The following WFDC8 variants were observed in gnomAD, a reference collection of about 807,000 sequenced individuals.
WFDC8 encodes the protein WAP four-disulfide core domain protein 8.
A neutral mutation model predicts 27.0 loss-of-function variants in WFDC8; 24 were observed. That is an observed-to-expected ratio of 0.89 (90% confidence interval 0.64 to 1.25). The LOEUF (loss-of-function observed/expected upper bound fraction) is 1.25. Among genes scored for constraint, WFDC8 ranks in the 50% most tolerant of loss-of-function variants. The pLI is 0.00. For synonymous variants in WFDC8, 106 were observed against 99.7 expected, an observed-to-expected ratio of 1.06 and a Z score of -0.38; for missense variants, 287 against 295.9, an observed-to-expected ratio of 0.97 and a Z score of 0.22.
At chr20:45,570,079 A>T (rs564946305) in intron 1 of WFDC8, among the ~76,000 whole-genome samples, 34 of 152,208 alleles carry the variant, frequency 2.2e-4, no homozygotes, top group African/African-American at 7.9e-4. Flanking sequence ...AAAATAACTA[A>T]TGAGTACTAG....
chr20:45,553,354 C>T (rs1029716144), intron 4 of WFDC8, 78 bp from the exon 5 acceptor site: 1 of 1,521,592 alleles, frequency 6.6e-7, no homozygotes, highest in Non-Finnish European at 8.8e-7. Flanking sequence ...TCCTTCTCTT[C>T]AAAGCTAGTA....
intron 1 of WFDC8, among the ~76,000 whole-genome samples, chr20:45,575,505 A>G (rs1398927923): frequency 7.0e-6 from 1 of 142,118 alleles, no homozygotes; most frequent in Admixed American, 6.9e-5. Flanking sequence ...AGTGAAAGAA[A>G]TTGGAGAAGA....
chr20:45,553,092 G>T, intron 5 of WFDC8, 44 bp downstream of exon 5: 1 of 1,580,764 alleles, frequency 6.3e-7, no homozygotes, highest in Non-Finnish European at 8.6e-7. Context: ...TGACATCCTT[G>T]GCACATGCCC....
chr20:45,573,562 T>C (rs1980943640), intron 1 of WFDC8, among the ~76,000 whole-genome samples: 2 of 152,220 alleles, frequency 1.3e-5, no homozygotes, highest in Non-Finnish European at 2.9e-5. Flanking sequence ...TATTTGGTTT[T>C]CCATTCCTGA....
At chr20:45,553,063 C>G (rs2089877884) in intron 5 of WFDC8, 73 bp downstream of exon 5, 1 of 1,535,232 alleles carries the variant, frequency 6.5e-7, no homozygotes, top group Non-Finnish European at 8.8e-7. Flanking sequence ...AAGACACCCC[C>G]CACTCCATGG....
At chr20:45,573,519 AG>A (rs1980942302) in intron 1 of WFDC8, among the ~76,000 whole-genome samples, 1 of 152,184 alleles carries the variant, frequency 6.6e-6, no homozygotes, top group Non-Finnish European at 1.5e-5. Flanking sequence ...GCATACCCAT[AG>A]GTTAACTCAA....
intron 2 of WFDC8, chr20:45,559,630 A>ATT (rs1183112578): frequency 6.6e-6 from 1 of 152,238 alleles, no homozygotes; most frequent in Non-Finnish European, 1.5e-5. Flanking sequence ...TTACAGGCTG[A>ATT]TTATAAGAGT....
chr20:45,560,463 CT>C (rs1426408246), intron 2 of WFDC8, among the ~76,000 whole-genome samples: 1 of 152,208 alleles, frequency 6.6e-6, no homozygotes, highest in African/African-American at 2.4e-5. Context: ...CAAAGGATAG[CT>C]CATACAGCGC....
chr20:45,575,507 T>G (rs1170705005), intron 1 of WFDC8, among the ~76,000 whole-genome samples: 1 of 142,100 alleles, frequency 7.0e-6, no homozygotes, highest in Non-Finnish European at 1.6e-5. Flanking sequence ...TGAAAGAAAT[T>G]GGAGAAGACA....
chr20:45,570,598 A>G (rs969546778), intron 1 of WFDC8, among the ~76,000 whole-genome samples: 69 of 152,316 alleles, frequency 4.5e-4, no homozygotes, highest in African/African-American at 1.7e-3. Flanking sequence ...TGGGGCAATT[A>G]TGAATGAAGC....
At chr20:45,555,543 A>T (rs1980208051) in intron 4 of WFDC8, among the ~76,000 whole-genome samples, 158 bp downstream of exon 4, 2 of 152,210 alleles carry the variant, frequency 1.3e-5, no homozygotes, top group Non-Finnish European at 2.9e-5. Flanking sequence ...ACTGAAGCTT[A>T]TAAAGGCAGG....
chr20:45,556,192 A>C (rs1980240384), intron 3 of WFDC8, among the ~76,000 whole-genome samples: 1 of 152,248 alleles, frequency 6.6e-6, no homozygotes, highest in Non-Finnish European at 1.5e-5. Flanking sequence ...AGGTTGATGC[A>C]AAAGTAATTA....
At chr20:45,557,991 C>CA (rs1244469771) in intron 3 of WFDC8, among the ~76,000 whole-genome samples, 1 of 152,174 alleles carries the variant, frequency 6.6e-6, no homozygotes, top group Non-Finnish European at 1.5e-5. Flanking sequence ...TGAAGTGAGA[C>CA]AAAAACAAGA....
chr20:45,552,060 T>C lies in WFDC8; in HGVS notation c.692A>G (p.His231Arg), dbSNP rs1292057594. Residue 231 changes from histidine (H) to arginine (R), a missense_variant, in exon 6 of 6, where the codon CAT becomes CGT. By Grantham distance (29) the His-to-Arg change is conservative (BLOSUM62 0). Transcript: ENST00000289953. ...GGGGTCCATACATTTCAGTCCACAATGTGAGCAGCACTTTTCCACCAATGG... is the reference window on the plus strand; with the variant it reads ...GGGGTCCATACATTTCAGTCCACAACGTGAGCAGCACTTTTCCACCAATGG... ...ECPLVEKCCS[H>R]CGLKCMDPRR 1.2e-6 allele frequency: 2 copies of C among 1,614,012 alleles called. No individual in the cohort carries two copies. Among genetic ancestry groups the C allele is most frequent in the Admixed American group, 3.3e-5 (2 of 60,006 alleles).
At chr20:45,565,971 T>A (rs946172920) in intron 1 of WFDC8, among the ~76,000 whole-genome samples, 9 of 152,172 alleles carry the variant, frequency 5.9e-5, no homozygotes, top group African/African-American at 1.9e-4. Context: ...CACAAAATTT[T>A]AAAAAAATAT....
At chr20:45,562,054 C>A in intron 2 of WFDC8, 56 bp downstream of exon 2, 1 of 1,527,516 alleles carries the variant, frequency 6.5e-7, no homozygotes, top group South Asian at 1.2e-5. Flanking sequence ...CATGTCTAAC[C>A]CTCATCCCCA....
At chr20:45,566,990 G>C (rs370902831) in intron 1 of WFDC8, among the ~76,000 whole-genome samples, 19 of 152,118 alleles carry the variant, frequency 1.2e-4, no homozygotes, top group Non-Finnish European at 2.6e-4. Context: ...TAAATGCTAT[G>C]CAAGTAGTTG....
At chr20:45,562,089 C>G (rs776021228) in intron 2 of WFDC8, 21 bp downstream of exon 2, 3 of 1,606,948 alleles carry the variant, frequency 1.9e-6, no homozygotes, top group Non-Finnish European at 2.6e-6. Context: ...GGAAGAATGG[C>G]TGCAGCTTTT....
chr20:45,563,298 A>G (rs930312263), intron 1 of WFDC8, among the ~76,000 whole-genome samples: 1 of 152,226 alleles, frequency 6.6e-6, no homozygotes, highest in Non-Finnish European at 1.5e-5. Context: ...CATCTGGAAA[A>G]TGGGAATAAT....
Sources: gnomAD v4.1 joint callset for allele counts (sites outside exome capture counted in the v4.1 genomes callset) on GRCh38, gnomAD v4.1.1 for gene constraint, MANE v1.5 for transcripts, NCBI Gene and HGNC (gene_info 2026-07-23, HGNC 2026-07-21) for gene names.